CD2AP: variants seen among roughly 807,000 people sequenced by gnomAD.
The protein encoded by CD2AP is CD2 associated protein.
Under a neutral mutation model 85.1 loss-of-function variants are expected in CD2AP, and 46 were observed. The observed-to-expected ratio is 0.54, with a 90% CI of 0.43 to 0.69. CD2AP has a LOEUF of 0.69. Ranked by LOEUF, CD2AP falls within the 30% of genes least tolerant of loss-of-function variation. The pLI is 0.00. For synonymous variants in CD2AP, 255 were observed against 252.9 expected (o/e 1.01, Z -0.08); for missense variants, 769 against 729.5 (o/e 1.05, Z -0.62).
intron 11 of CD2AP, among the ~76,000 whole-genome samples, chr6:47,591,499 G>C (rs2114123719): frequency 6.6e-6 from 1 of 152,148 alleles, no homozygotes; most frequent in Non-Finnish European, 1.5e-5. Flanking sequence ...CTACTTTTTA[G>C]GTAGTACATT....
intron 1 of CD2AP, among the ~76,000 whole-genome samples, chr6:47,502,619 G>A (rs768724203): frequency 1.3e-5 from 2 of 150,794 alleles, no homozygotes; most frequent in Non-Finnish European, 2.9e-5. Context: ...TCAGCCTCCC[G>A]AGTAGCTGGG....
In CD2AP at chr6:47,612,437, C is replaced by T. The variant is rs546092027; in HGVS notation, c.1815-36C>T. On this transcript the variant is annotated intron_variant, in intron 16 of 17. Coordinates refer to ENST00000359314, the MANE Select transcript of CD2AP (RefSeq NM_012120.3). ...ACATTAGTCAAATAAATTATTTAAT[C>T]GAAAGACTTAACAGTAATAAGTACT... 893 of 1,397,648 alleles carry T rather than the reference C, an allele frequency of 6.4e-4. 15 individuals carry two copies. In the South Asian group the frequency reaches 9.3e-3, roughly 15 times the overall value. The allele number at this position is 1,397,648 out of a possible 1,614,324, so 86.6% of individuals were successfully genotyped here. A position where few individuals can be genotyped will look rare whatever the true frequency, so the allele number is the denominator to read the frequency against.
intron 11 of CD2AP, among the ~76,000 whole-genome samples, chr6:47,587,611 C>T (rs779705017): frequency 2.0e-5 from 3 of 152,000 alleles, no homozygotes; most frequent in Non-Finnish European, 1.5e-5. Flanking sequence ...TTGAGATGTC[C>T]TTTTTTGTAT....
chr6:47,580,861 C>T lies in CD2AP; in HGVS notation c.1009-3C>T. On this transcript the variant is annotated splice_region_variant and splice_polypyrimidine_tract_variant and intron_variant, in intron 9 of 17. Transcript: ENST00000359314. ...GCCGTTTCCACCATTATTATTTTAA[C>T]AGAAACCAAAGAAACCACCACCTCC... The T allele has an allele frequency of 1.2e-6, 2 of 1,603,680 alleles. No individual in the cohort carries two copies. The highest frequency in any genetic ancestry group is 1.7e-6 in the Non-Finnish European group (2 of 1,170,880).
At chr6:47,499,784 A>G (rs1339346025) in intron 1 of CD2AP, among the ~76,000 whole-genome samples, 1 of 152,180 alleles carries the variant, frequency 6.6e-6, no homozygotes, top group African/African-American at 2.4e-5. Context: ...GCTCTGTCGC[A>G]GTGGCACGAC....
At chr6:47,579,119 G>A (rs1768392500) in intron 8 of CD2AP, among the ~76,000 whole-genome samples, 1 of 152,186 alleles carries the variant, frequency 6.6e-6, no homozygotes, top group Non-Finnish European at 1.5e-5. Flanking sequence ...TTTAGTTCCA[G>A]CCAGGCACAG....
rs1386895556 is a variant in CD2AP at position 47,626,655 on chromosome 6, A to G, written c.*2428A>G. The G allele has an allele frequency of 2.0e-5, 3 of 152,454 alleles. No homozygotes were observed. The highest frequency in any genetic ancestry group is 4.4e-5 in the Non-Finnish European group (3 of 67,892). The allele number at this position is 152,454 out of a possible 1,614,324, so 9.4% of individuals were successfully genotyped here. A position where few individuals can be genotyped will look rare whatever the true frequency, so the allele number is the denominator to read the frequency against. ...TTACCTTCTACAGAATTTAAGTCTG[A>G]AGATGTAAAGAGAGAACAGGCCTTG... On this transcript the variant is annotated 3_prime_UTR_variant, in exon 18 of 18. Transcript: ENST00000359314.
Position 47,577,052 on chromosome 6 carries a change from TGAA to T in CD2AP, c.855_857del (p.Glu285del). ...CATTATTTGCCTATGAAGGTACTAA[TGAA>T]GATGAACTTACTTTTAAAGAGGGGG... On this transcript the variant is annotated inframe_deletion, in exon 8 of 18. Transcript: ENST00000359314. 6.5e-7 allele frequency: 1 copy of T among 1,543,958 alleles called. No homozygotes were observed. Among genetic ancestry groups the T allele is most frequent in the Non-Finnish European group, 9.0e-7 (1 of 1,116,400 alleles).
intron 1 of CD2AP, among the ~76,000 whole-genome samples, chr6:47,479,599 TGTG>T (rs1169521495): frequency 9.2e-5 from 14 of 152,350 alleles, no homozygotes; most frequent in Middle Eastern, 6.8e-3. Context: ...GCAGGGCAAT[TGTG>T]GGCATATTCT....
intron 4 of CD2AP, among the ~76,000 whole-genome samples, chr6:47,548,953 C>T (rs1767440661): frequency 1.3e-5 from 2 of 152,078 alleles, no homozygotes; most frequent in Admixed American, 1.3e-4. Context: ...AAACAAAAAT[C>T]ACATGATCAT....
intron 17 of CD2AP, among the ~76,000 whole-genome samples, chr6:47,621,889 G>T (rs1365726812): frequency 6.6e-6 from 1 of 152,098 alleles, no homozygotes; most frequent in Non-Finnish European, 1.5e-5. Context: ...CCAGCAGTGG[G>T]CGGGGCCGTA....
intron 3 of CD2AP, among the ~76,000 whole-genome samples, chr6:47,537,183 A>G (rs1767074145): frequency 6.6e-6 from 1 of 152,244 alleles, no homozygotes; most frequent in Non-Finnish European, 1.5e-5. Context: ...CTTCACTCCC[A>G]TAAAACCTTT....
intron 2 of CD2AP, among the ~76,000 whole-genome samples, chr6:47,511,570 A>G (rs966191290): frequency 2.0e-5 from 3 of 152,228 alleles, no homozygotes; most frequent in Non-Finnish European, 2.9e-5. Context: ...CACTATTAAC[A>G]TTAGGCAAAA....
intron 11 of CD2AP, among the ~76,000 whole-genome samples, chr6:47,588,290 G>A (rs1221130869): frequency 6.6e-6 from 1 of 152,078 alleles, no homozygotes; most frequent in Admixed American, 6.6e-5. Flanking sequence ...TCTTTACCCT[G>A]CACTTGGTTA....
intron 4 of CD2AP, among the ~76,000 whole-genome samples, chr6:47,545,972 C>G (rs752534715): frequency 6.6e-6 from 1 of 152,118 alleles, no homozygotes; most frequent in Non-Finnish European, 1.5e-5. Flanking sequence ...AAAAATCACA[C>G]TAGCTCACCA....
intron 1 of CD2AP, among the ~76,000 whole-genome samples, chr6:47,485,204 C>T (rs1765538576): frequency 6.6e-6 from 1 of 152,104 alleles, no homozygotes; most frequent in East Asian, 1.9e-4. Context: ...AACTGTAAAA[C>T]ATCCTCAGGC....
At chr6:47,540,174 C>CAAA (rs373888400) in intron 3 of CD2AP, among the ~76,000 whole-genome samples, 13 of 55,634 alleles carry the variant, frequency 2.3e-4, no homozygotes, top group African/African-American at 8.4e-4. Flanking sequence ...GGCCCTGTCT[C>CAAA]AAAAAAAAAA....
chr6:47,606,727 GAT>G lies in CD2AP; in HGVS notation c.1530+453_1530+454del, dbSNP rs1164639795. 3.9e-5 allele frequency among the ~76,000 whole-genome samples: 6 copies of G among 151,920 alleles called. No homozygotes were observed. In the East Asian group the frequency reaches 1.2e-3, roughly 29 times the overall value. ...ATTTGTATATTTATGGGTTATGTGA[GAT>G]ATTTTGATACAGGCATGAAATGCAT... On this transcript the variant is annotated intron_variant, in intron 14 of 17. Coordinates refer to ENST00000359314, the MANE Select transcript of CD2AP (RefSeq NM_012120.3).
At chr6:47,580,462 CAAACA>C (rs1302907945) in intron 9 of CD2AP, among the ~76,000 whole-genome samples, 2 of 41,650 alleles carry the variant, frequency 4.8e-5, no homozygotes, top group Non-Finnish European at 7.3e-5. Flanking sequence ...CAAAACAAAA[CAAACA>C]AAAAAAAAAA....
Sources: gnomAD v4.1 joint callset for allele counts (sites outside exome capture counted in the v4.1 genomes callset) on GRCh38, gnomAD v4.1.1 for gene constraint, MANE v1.5 for transcripts, NCBI Gene and HGNC (gene_info 2026-07-23, HGNC 2026-07-21) for gene names.